FAM13A: variants seen among roughly 807,000 people sequenced by gnomAD.
FAM13A encodes the protein family with sequence similarity 13 member A.
Under a neutral mutation model 129.6 loss-of-function variants are expected in FAM13A, and 76 were observed. That is an observed-to-expected ratio of 0.59 (90% CI 0.49 to 0.71). The LOEUF (loss-of-function observed/expected upper bound fraction) is 0.71, where lower values mean the gene tolerates loss of function less well. Ranked by LOEUF, FAM13A falls within the 30% of genes least tolerant of loss-of-function variation. The pLI is 0.00. For missense variants in FAM13A, 1,108 were observed against 1,249.3 expected (o/e 0.89, Z 1.70); for synonymous variants, 443 against 449.9 (o/e 0.98, Z 0.20).
chr4:88,949,896 T>TA (rs1484215627), intron 4 of FAM13A, among the ~76,000 whole-genome samples: 6 of 152,304 alleles, frequency 3.9e-5, no homozygotes, highest in Admixed American at 2.6e-4. Flanking sequence ...CTACAGAACA[T>TA]AAAACGTCAT....
At chr4:88,734,696 C>G (rs994938355) in intron 21 of FAM13A, among the ~76,000 whole-genome samples, 4 of 152,154 alleles carry the variant, frequency 2.6e-5, no homozygotes, top group African/African-American at 9.7e-5. Context: ...GGTGGTGGTG[C>G]CACACTACTG....
At chr4:89,054,423 T>C (rs1771976244) in intron 1 of FAM13A, among the ~76,000 whole-genome samples, 1 of 152,106 alleles carries the variant, frequency 6.6e-6, no homozygotes, top group Non-Finnish European at 1.5e-5. Context: ...AGTATGTAAG[T>C]CCTAAATGTT....
chr4:88,934,650 T>C (rs1025542722), intron 5 of FAM13A, among the ~76,000 whole-genome samples: 2 of 152,178 alleles, frequency 1.3e-5, no homozygotes, highest in Non-Finnish European at 2.9e-5. Flanking sequence ...TATTCAGAAA[T>C]ACAGCTGTAA....
At chr4:88,948,794 A>G (rs1004523416) in intron 4 of FAM13A, among the ~76,000 whole-genome samples, 13 of 152,134 alleles carry the variant, frequency 8.5e-5, no homozygotes, top group African/African-American at 3.1e-4. Context: ...AGCCTGGGCT[A>G]TATGGCTGTA....
chr4:88,798,852 G>T (rs1726802348), intron 8 of FAM13A, among the ~76,000 whole-genome samples: 1 of 152,080 alleles, frequency 6.6e-6, no homozygotes, highest in Non-Finnish European at 1.5e-5. Flanking sequence ...CCACAGAGAG[G>T]CAGGGAAACT....
intron 4 of FAM13A, among the ~76,000 whole-genome samples, chr4:88,967,032 G>C (rs368821588): frequency 6.6e-6 from 1 of 152,288 alleles, no homozygotes; most frequent in South Asian, 2.1e-4. Flanking sequence ...CATGCATTGT[G>C]AAAGTTACTT....
Position 88,858,382 on chromosome 4 carries a change from A to C in FAM13A, c.844-7199T>G, listed in dbSNP as rs534888383. ...TGAGCAGTGTAGGAATTAAGGTAGA[A>C]GACTTTAACAAATTTTCATTCTGTT... On this transcript the variant is annotated intron_variant, in intron 6 of 23. Transcript: ENST00000264344. Among the ~76,000 whole-genome samples the C allele has an allele frequency of 2.0e-5, 3 of 152,342 alleles. No homozygotes were observed. The East Asian group carries it at 5.8e-4, about 29-fold the overall frequency.
chr4:88,843,903 T>C (rs1422495688), intron 7 of FAM13A, among the ~76,000 whole-genome samples: 2 of 152,150 alleles, frequency 1.3e-5, no homozygotes, highest in East Asian at 3.9e-4. Context: ...GCTTCTGTAG[T>C]ATCTCTAAGG....
intron 4 of FAM13A, among the ~76,000 whole-genome samples, chr4:88,948,296 T>G (rs761573783): frequency 6.6e-6 from 1 of 152,158 alleles, no homozygotes; most frequent in Non-Finnish European, 1.5e-5. Flanking sequence ...TTTCTTCTAT[T>G]GTAAAATAGA....
At chr4:88,841,563 A>G (rs750021298) in intron 7 of FAM13A, among the ~76,000 whole-genome samples, 14 of 152,068 alleles carry the variant, frequency 9.2e-5, no homozygotes, top group Non-Finnish European at 1.3e-4. Context: ...CATATCATAT[A>G]TCTGATAAGG....
intron 4 of FAM13A, among the ~76,000 whole-genome samples, chr4:88,958,025 G>C (rs963772187): frequency 1.3e-5 from 2 of 151,894 alleles, no homozygotes; most frequent in Non-Finnish European, 2.9e-5. Flanking sequence ...AAGGGAAGCA[G>C]AGCATAAAGT....
At position 89,030,511 on chromosome 4, in the gene FAM13A, T is replaced by G. The variant is rs183436490; in HGVS notation, c.28-862A>C. Among the ~76,000 whole-genome samples, 4 of 152,244 alleles carry G rather than the reference T, an allele frequency of 2.6e-5. No individual in the cohort carries two copies. In the East Asian group the frequency reaches 7.7e-4, roughly 29 times the overall value. ...CGGTCTTATTTGGGGGCAGAGGCAG[T>G]AAAATTGGAGGAAACTTCCACTTTC... On this transcript the variant is annotated intron_variant, in intron 1 of 23. Transcript: ENST00000264344.
chr4:88,801,585 T>G (rs913398400), intron 8 of FAM13A, among the ~76,000 whole-genome samples: 12 of 152,132 alleles, frequency 7.9e-5, no homozygotes, highest in African/African-American at 2.9e-4. Flanking sequence ...AGGTGTTAGG[T>G]AAGCAAGGAC....
intron 4 of FAM13A, among the ~76,000 whole-genome samples, chr4:88,981,208 A>G (rs911364795): frequency 9.2e-5 from 14 of 152,222 alleles, no homozygotes; most frequent in Admixed American, 2.6e-4. Context: ...CTTACTCATC[A>G]GTAGCAATAG....
chr4:88,826,330 A>C (rs1274344316), intron 7 of FAM13A, among the ~76,000 whole-genome samples: 1 of 137,936 alleles, frequency 7.2e-6, no homozygotes, highest in East Asian at 2.1e-4. Context: ...AAAAAAAAAA[A>C]ACCATTCCTG....
chr4:88,789,609 T>C (rs1724696883), intron 9 of FAM13A, among the ~76,000 whole-genome samples: 1 of 152,186 alleles, frequency 6.6e-6, no homozygotes, highest in Admixed American at 6.6e-5. Context: ...GGAACTTCTC[T>C]AGGCAGTAGG....
At chr4:88,846,196 G>C (rs1171411021) in intron 7 of FAM13A, among the ~76,000 whole-genome samples, 1 of 152,126 alleles carries the variant, frequency 6.6e-6, no homozygotes, top group Non-Finnish European at 1.5e-5. Context: ...AATTTTCCTA[G>C]AATCACAGAG....
intron 14 of FAM13A, among the ~76,000 whole-genome samples, chr4:88,756,312 G>T (rs1300815234): frequency 1.3e-5 from 2 of 152,154 alleles, no homozygotes; most frequent in Non-Finnish European, 2.9e-5. Context: ...ATGTCCTACG[G>T]AATCTATTTA....
chr4:88,974,834 T>A (rs538934631), intron 4 of FAM13A, among the ~76,000 whole-genome samples: 65 of 152,024 alleles, frequency 4.3e-4, no homozygotes, highest in Non-Finnish European at 7.9e-4. Context: ...TTAGGTAAGT[T>A]TGAATGAAAT....
Sources: allele counts gnomAD v4.1 joint callset (sites outside exome capture counted in the v4.1 genomes callset), GRCh38; gene constraint gnomAD v4.1.1; transcripts MANE v1.5; gene names NCBI Gene and HGNC (gene_info 2026-07-23, HGNC 2026-07-21).